The following C10orf95 variants were observed in gnomAD, a reference collection of about 807,000 sequenced individuals.
C10orf95 encodes chromosome 10 open reading frame 95.
For missense variants in C10orf95, 412 were observed against 327.4 expected, an observed-to-expected ratio of 1.26 and a Z score of -1.99; for synonymous variants, 188 against 160.4, an observed-to-expected ratio of 1.17 and a Z score of -1.30.
rs2061682169 is a variant in C10orf95 at position 102,450,106 on chromosome 10, C to T, written c.*346G>A. 2.8e-6 allele frequency: 1 copy of T among 362,238 alleles called. No homozygotes were observed. Among genetic ancestry groups the T allele is most frequent in the Non-Finnish European group, 5.4e-6 (1 of 184,728 alleles). The allele number at this position is 362,238 out of a possible 1,614,324, so 22.4% of individuals were successfully genotyped here. ...GGGAAAGTTGGGGCTTACTGCAGGG[C>T]AAGCTCCTTAGGAGAAGGTGGGGAG... On this transcript the variant is annotated 3_prime_UTR_variant, in exon 2 of 2. Coordinates refer to ENST00000625129, the MANE Select transcript of C10orf95 (RefSeq NM_001363580.1).
chr10:102,451,425 CG>C lies in C10orf95; in HGVS notation c.-95del. ...CTTGGGGAGCCGGCGGGATCCAGAG[CG>C]GGGCTCCTCTCCGCACTTTGTAGCT... On this transcript the variant is annotated 5_prime_UTR_variant, in exon 1 of 2. Coordinates refer to ENST00000625129, the MANE Select transcript of C10orf95 (RefSeq NM_001363580.1). The C allele has an allele frequency of 1.4e-6, 2 of 1,476,540 alleles. No individual in the cohort carries two copies. Among genetic ancestry groups the C allele is most frequent in the Non-Finnish European group, 1.8e-6 (2 of 1,095,134 alleles). The allele number at this position is 1,476,540 out of a possible 1,614,324, so 91.5% of individuals were successfully genotyped here.
chr10:102,450,158 CT>C lies in C10orf95; in HGVS notation c.*293del. ...AGGAAGGAGGGAGGTCCAGGCCCTT[CT>C]TCCATCCCACGTCCTCCACTTCCCA... is the stretch of plus-strand genomic sequence containing the variant. On this transcript the variant is annotated 3_prime_UTR_variant, in exon 2 of 2. Coordinates refer to ENST00000625129, the MANE Select transcript of C10orf95 (RefSeq NM_001363580.1). 1.3e-5 allele frequency: 7 copies of C among 521,594 alleles called. No homozygotes were observed. Among genetic ancestry groups the C allele is most frequent in the South Asian group, 1.3e-4 (7 of 55,352 alleles). 32.3% of individuals were successfully genotyped at this position (521,594 alleles called of 1,614,324 possible). A position where few individuals can be genotyped will look rare whatever the true frequency, so the allele number is the denominator to read the frequency against.
Position 102,451,068 on chromosome 10 carries a change from G to T in C10orf95, c.26C>A (p.Pro9His). MYVYSWPP[P>H]KQGVWPPPPQ... ...CGGCGGCGGCCAGACGCCCTGTTTG[G>T]GCGGCGGCCAGCTGTACACATACAT... The change falls in exon 2 of 2, where the codon CCC becomes CAC. Residue 9 changes from proline (P) to histidine (H), a missense_variant. Transcript: ENST00000625129. The T allele has an allele frequency of 7.4e-7, 1 of 1,360,352 alleles. No homozygotes were observed. Among genetic ancestry groups the T allele is most frequent in the Non-Finnish European group, 9.5e-7 (1 of 1,055,046 alleles). The allele number at this position is 1,360,352 out of a possible 1,614,324, so 84.3% of individuals were successfully genotyped here. A position where few individuals can be genotyped will look rare whatever the true frequency, so the allele number is the denominator to read the frequency against.
Position 102,451,213 on chromosome 10 carries a change from G to A in C10orf95, c.-54-66C>T, listed in dbSNP as rs972556520. 6.2e-6 allele frequency: 9 copies of A among 1,448,978 alleles called. No individual in the cohort carries two copies. The African/African-American group carries it at 1.3e-4, about 21-fold the overall frequency. The allele number at this position is 1,448,978 out of a possible 1,614,324, so 89.8% of individuals were successfully genotyped here. A position where few individuals can be genotyped will look rare whatever the true frequency, so the allele number is the denominator to read the frequency against. ...AACCGCCTCCTGTCCCTGTGGGCCG[G>A]TTCCCCGGGACGCCGGTTCATGGCT... On this transcript the variant is annotated intron_variant, in intron 1 of 1. Coordinates refer to ENST00000625129, the MANE Select transcript of C10orf95 (RefSeq NM_001363580.1).
chr10:102,450,324 A>C lies in C10orf95; in HGVS notation c.*128T>G, dbSNP rs573283657. 6.7e-6 allele frequency: 7 copies of C among 1,039,286 alleles called. No individual in the cohort carries two copies. The African/African-American group carries it at 1.1e-4, about 16-fold the overall frequency. 64.4% of individuals were successfully genotyped at this position (1,039,286 alleles called of 1,614,324 possible). ...GCCGGCAGTCATGGGAGAAGCCAAA[A>C]AGACAGGTGAGCAGCGCGTCCGCCT... is the stretch of plus-strand genomic sequence containing the variant. On this transcript the variant is annotated 3_prime_UTR_variant, in exon 2 of 2. Coordinates refer to ENST00000625129, the MANE Select transcript of C10orf95 (RefSeq NM_001363580.1).
In C10orf95 at chr10:102,450,316, A is replaced by T; in HGVS notation, c.*136T>A. ...GGAAACTGGCCGGCAGTCATGGGAG[A>T]AGCCAAAAAGACAGGTGAGCAGCGC... On this transcript the variant is annotated 3_prime_UTR_variant, in exon 2 of 2. Transcript: ENST00000625129. 2.1e-6 allele frequency: 2 copies of T among 959,852 alleles called. No individual in the cohort carries two copies. Among genetic ancestry groups the T allele is most frequent in the Non-Finnish European group, 3.2e-6 (2 of 625,440 alleles). 59.5% of individuals were successfully genotyped at this position (959,852 alleles called of 1,614,324 possible). A position where few individuals can be genotyped will look rare whatever the true frequency, so the allele number is the denominator to read the frequency against.
Position 102,450,635 on chromosome 10 carries a change from G to C in C10orf95, c.459C>G (p.Pro153=), listed in dbSNP as rs1054632861. The C allele has an allele frequency of 5.7e-6, 7 of 1,237,952 alleles. No individual in the cohort carries two copies. The highest frequency in any genetic ancestry group is 6.8e-5 in the East Asian group (2 of 29,588). The allele number at this position is 1,237,952 out of a possible 1,614,324, so 76.7% of individuals were successfully genotyped here. A position where few individuals can be genotyped will look rare whatever the true frequency, so the allele number is the denominator to read the frequency against. Residue 153 remains proline, a synonymous_variant, in exon 2 of 2, where the codon CCC becomes CCG. Coordinates refer to ENST00000625129, the MANE Select transcript of C10orf95 (RefSeq NM_001363580.1). ...GCTGGGTGACGCGCACGTCGGCGCG[G>C]GGGTAGGTGCCGTACGCGCGCCGCA... is the stretch of plus-strand genomic sequence containing the variant. ...RELRRAYGTY[P]RADVRVTQRR...
chr10:102,450,044 G>C lies in C10orf95; in HGVS notation c.*408C>G, dbSNP rs911545753. 4 of 243,858 alleles carry C rather than the reference G, an allele frequency of 1.6e-5. No individual in the cohort carries two copies. Among genetic ancestry groups the C allele is most frequent in the Non-Finnish European group, 3.5e-5 (4 of 115,662 alleles). The allele number at this position is 243,858 out of a possible 1,614,324, so 15.1% of individuals were successfully genotyped here. A position where few individuals can be genotyped will look rare whatever the true frequency, so the allele number is the denominator to read the frequency against. On this transcript the variant is annotated 3_prime_UTR_variant, in exon 2 of 2. Transcript: ENST00000625129. ...GGGGGTAGGGGAGCGGTGGGAAAGG[G>C]GGGTGGGCGACGACTCTGATAGAGG...
At position 102,451,058 on chromosome 10, in the gene C10orf95, G is replaced by A. The variant is rs1256928705; in HGVS notation, c.36C>T (p.Gly12=). Residue 12 remains glycine, a synonymous_variant, in exon 2 of 2, where the codon GGC becomes GGT. Transcript: ENST00000625129. ...YVYSWPPPKQ[G]VWPPPPQLLT... is the part of the protein sequence containing the mutation. ...GCAGCTGCGGCGGCGGCGGCCAGAC[G>A]CCCTGTTTGGGCGGCGGCCAGCTGT... 8.1e-6 allele frequency: 11 copies of A among 1,356,530 alleles called. No individual in the cohort carries two copies. In the South Asian group the frequency reaches 1.1e-4, roughly 14 times the overall value. The allele number at this position is 1,356,530 out of a possible 1,614,324, so 84.0% of individuals were successfully genotyped here.
intron 1 of C10orf95, 43 bp downstream of exon 1, chr10:102,451,343 A>G (rs1589916176): frequency 1.3e-6 from 2 of 1,555,946 alleles, no homozygotes; most frequent in Admixed American, 1.8e-5. Context: ...GAGCCTTTTC[A>G]AGCCCTCCGC....
chr10:102,450,666 C>G lies in C10orf95; in HGVS notation c.428G>C (p.Arg143Pro), dbSNP rs995138191. The change falls in exon 2 of 2, where the codon CGG becomes CCG. Residue 143 changes from arginine to proline, a missense_variant. Transcript: ENST00000625129. Reference protein sequence around the residue: ...PPLQLPDFVRRELRRAYGTYP... With the variant: ...PPLQLPDFVRPELRRAYGTYP... The stretch of plus-strand genomic sequence containing the variant: ...GGTGCCGTACGCGCGCCGCAGCTCC[C>G]GGCGCACGAAGTCCGGTAGCTGCAG... 8.1e-6 allele frequency: 10 copies of G among 1,227,880 alleles called. No homozygotes were observed. The highest frequency in any genetic ancestry group is 3.2e-5 in the African/African-American group (2 of 63,076). The allele number at this position is 1,227,880 out of a possible 1,614,324, so 76.1% of individuals were successfully genotyped here.
In C10orf95 at chr10:102,450,598, A is replaced by C; in HGVS notation, c.496T>G (p.Phe166Val). 1 of 1,265,942 alleles carries C rather than the reference A, an allele frequency of 7.9e-7. No homozygotes were observed. The highest frequency in any genetic ancestry group is 3.3e-5 in the East Asian group (1 of 30,266). 78.4% of individuals were successfully genotyped at this position (1,265,942 alleles called of 1,614,324 possible). Residue 166 changes from phenylalanine (F) to valine (V), a missense_variant, in exon 2 of 2, where the codon TTC becomes GTC. Coordinates refer to ENST00000625129, the MANE Select transcript of C10orf95 (RefSeq NM_001363580.1). ...ACGCGCGGCGTCGCCTGCAGCAGGA[A>C]CTGGCCGCGGCGCTGGGTGACGCGC... ...DVRVTQRRGQ[F>V]LLQATPRVLE...
chr10:102,450,633 C>T lies in C10orf95; in HGVS notation c.461G>A (p.Arg154His). ...ELRRAYGTYP[R>H]ADVRVTQRRG... Reference sequence around the variant, plus strand: ...GCGCTGGGTGACGCGCACGTCGGCGCGGGGGTAGGTGCCGTACGCGCGCCG... The same window carrying T: ...GCGCTGGGTGACGCGCACGTCGGCGTGGGGGTAGGTGCCGTACGCGCGCCG... The change falls in exon 2 of 2, where the codon CGC (arginine) becomes CAC (histidine). Residue 154 changes from arginine to histidine, a missense_variant. Coordinates refer to ENST00000625129, the MANE Select transcript of C10orf95 (RefSeq NM_001363580.1). 8.1e-7 allele frequency: 1 copy of T among 1,237,702 alleles called. No individual in the cohort carries two copies. The highest frequency in any genetic ancestry group is 1.0e-6 in the Non-Finnish European group (1 of 992,798). The allele number at this position is 1,237,702 out of a possible 1,614,324, so 76.7% of individuals were successfully genotyped here.
Position 102,450,480 on chromosome 10 carries a change from C to A in C10orf95, c.614G>T (p.Arg205Leu), listed in dbSNP as rs1159568639. The stretch of plus-strand genomic sequence containing the variant: ...GCTCAGGCCCTTGCTCTTCCTGGGG[C>A]GGCCGCGCTCCGCGGCTTCCCGGGC... ...SPAREAAERG[R>L]PRKSKGLS The change falls in exon 2 of 2, where the codon CGC becomes CTC. Residue 205 changes from arginine to leucine, a missense_variant. By Grantham distance (102) the Arg-to-Leu change is moderately radical (BLOSUM62 -2). Transcript: ENST00000625129. The A allele has an allele frequency of 2.1e-6, 3 of 1,456,410 alleles. No individual in the cohort carries two copies. Among genetic ancestry groups the A allele is most frequent in the African/African-American group, 3.0e-5 (2 of 67,752 alleles). 90.2% of individuals were successfully genotyped at this position (1,456,410 alleles called of 1,614,324 possible).
Position 102,450,658 on chromosome 10 carries a change from G to C in C10orf95, c.436C>G (p.Arg146Gly). 1 of 1,226,624 alleles carries C rather than the reference G, an allele frequency of 8.2e-7. No homozygotes were observed. The allele number at this position is 1,226,624 out of a possible 1,614,324, so 76.0% of individuals were successfully genotyped here. A position where few individuals can be genotyped will look rare whatever the true frequency, so the allele number is the denominator to read the frequency against. Residue 146 changes from arginine to glycine, a missense_variant, in exon 2 of 2, where the codon CGG becomes GGG. Arg to Gly is a moderately radical substitution (Grantham distance 125, BLOSUM62 -2). Transcript: ENST00000625129. ...QLPDFVRRELRRAYGTYPRAD... is the reference protein window; with the variant it reads ...QLPDFVRRELGRAYGTYPRAD... ...CGGGGGTAGGTGCCGTACGCGCGCC[G>C]CAGCTCCCGGCGCACGAAGTCCGGT... is the stretch of plus-strand genomic sequence containing the variant.
chr10:102,451,383 CACTT>C lies in C10orf95; in HGVS notation c.-56_-55+2del, dbSNP rs766942662. 4 of 1,550,242 alleles carry C rather than the reference CACTT, an allele frequency of 2.6e-6. No homozygotes were observed. Among genetic ancestry groups the C allele is most frequent in the Middle Eastern group, 1.8e-4 (1 of 5,622 alleles). On this transcript the variant is annotated splice_donor_variant and 5_prime_UTR_variant, in exon 1 of 2. Transcript: ENST00000625129. LOFTEE classifies it low-confidence loss of function (5UTR_SPLICE). ...ATGCTCTTCCCAGTGACTCCCCACTCACTTGTCTCCTTCAGCCTTGGGGAGCCGG... is the reference window on the plus strand; with the variant it reads ...ATGCTCTTCCCAGTGACTCCCCACTCGTCTCCTTCAGCCTTGGGGAGCCGG...
chr10:102,450,993 G>A lies in C10orf95; in HGVS notation c.101C>T (p.Pro34Leu). 1 of 1,315,026 alleles carries A rather than the reference G, an allele frequency of 7.6e-7. No homozygotes were observed. The highest frequency in any genetic ancestry group is 9.7e-7 in the Non-Finnish European group (1 of 1,031,162). 81.5% of individuals were successfully genotyped at this position (1,315,026 alleles called of 1,614,324 possible). Reference sequence around the variant, plus strand: ...GCTGCGGAAGCTGTGGGCCTGGACTGGGGGTAGCAGCAGAGGGGCGGCCAG... The same window carrying A: ...GCTGCGGAAGCTGTGGGCCTGGACTAGGGGTAGCAGCAGAGGGGCGGCCAG... ...TYLAAPLLLP[P>L]VQAHSFRSRP... Residue 34 changes from proline to leucine, a missense_variant, in exon 2 of 2, where the codon CCA becomes CTA. By Grantham distance (98) the Pro-to-Leu change is moderately conservative (BLOSUM62 -3). Coordinates refer to ENST00000625129, the MANE Select transcript of C10orf95 (RefSeq NM_001363580.1).
chr10:102,449,950 C>T lies in C10orf95; in HGVS notation c.*502G>A, dbSNP rs1453882334. The T allele has an allele frequency of 6.1e-5, 13 of 212,706 alleles. No individual in the cohort carries two copies. The highest frequency in any genetic ancestry group is 4.0e-4 in the Admixed American group (8 of 20,032). 13.2% of individuals were successfully genotyped at this position (212,706 alleles called of 1,614,324 possible). A position where few individuals can be genotyped will look rare whatever the true frequency, so the allele number is the denominator to read the frequency against. On this transcript the variant is annotated 3_prime_UTR_variant, in exon 2 of 2. Coordinates refer to ENST00000625129, the MANE Select transcript of C10orf95 (RefSeq NM_001363580.1). ...GTGCTGGGATTCCAGGCGTGAGCTA[C>T]CGCGCCCGGCCTATTTACTTTTCTT...
Position 102,451,149 on chromosome 10 carries a change from T to C in C10orf95, c.-54-2A>G. Reference sequence around the variant, plus strand: ...CTGGGGGCTCCTGCGGATCCAGACCTGCGGCGGAGGAAGGGATATGTAGAC... The same window carrying C: ...CTGGGGGCTCCTGCGGATCCAGACCCGCGGCGGAGGAAGGGATATGTAGAC... On this transcript the variant is annotated splice_acceptor_variant, in intron 1 of 1. Coordinates refer to ENST00000625129, the MANE Select transcript of C10orf95 (RefSeq NM_001363580.1). LOFTEE classifies it low-confidence loss of function (5UTR_SPLICE). 6.9e-7 allele frequency: 1 copy of C among 1,439,954 alleles called. No individual in the cohort carries two copies. 89.2% of individuals were successfully genotyped at this position (1,439,954 alleles called of 1,614,324 possible). A position where few individuals can be genotyped will look rare whatever the true frequency, so the allele number is the denominator to read the frequency against.
Sources: gnomAD v4.1 joint callset for allele counts on GRCh38, gnomAD v4.1.1 for gene constraint, MANE v1.5 for transcripts, NCBI Gene and HGNC (gene_info 2026-07-23, HGNC 2026-07-21) for gene names.